The following NRXN3 variants were observed in gnomAD, a reference collection of about 807,000 sequenced individuals.
NRXN3 encodes the protein neurexin 3, also known as neurexin III.
NRXN3 carries 32 observed loss-of-function variants against 137.6 expected under a neutral mutation model. The ratio of observed to expected loss-of-function variants is 0.23; its 90% CI spans 0.18 to 0.31. The LOEUF (loss-of-function observed/expected upper bound fraction) is 0.31. Among genes scored for constraint, NRXN3 ranks in the 10% least tolerant of loss-of-function variants. NRXN3 has a pLI of 1.00. For synonymous variants in NRXN3, 798 were observed against 784.5 expected, an observed-to-expected ratio of 1.02 and a Z score of -0.29; for missense variants, 1,574 against 2,062.5, an observed-to-expected ratio of 0.76 and a Z score of 4.59.
Position 79,443,530 on chromosome 14 carries a change from G to A in NRXN3, c.3263-23691G>A, listed in dbSNP as rs569410220. 2.0e-5 allele frequency among the ~76,000 whole-genome samples: 3 copies of A among 152,252 alleles called. 1 individual carries two copies. The South Asian group carries it at 6.2e-4, about 32-fold the overall frequency. ...AGGATGTGGGAGAATTGGAAAATGAGAGAGAATAGAGAAATTAACCAATAT... is the reference window on the plus strand; with the variant it reads ...AGGATGTGGGAGAATTGGAAAATGAAAGAGAATAGAGAAATTAACCAATAT... On this transcript the variant is annotated intron_variant, in intron 15 of 20. Transcript: ENST00000335750.
At chr14:78,770,971 A>G (rs1033553644) in intron 8 of NRXN3, among the ~76,000 whole-genome samples, 2 of 152,234 alleles carry the variant, frequency 1.3e-5, no homozygotes, top group Non-Finnish European at 2.9e-5. Context: ...AGCAGCAATC[A>G]GAACAATGCA....
chr14:79,635,539 A>T (rs550371334), intron 16 of NRXN3, among the ~76,000 whole-genome samples: 1 of 152,298 alleles, frequency 6.6e-6, no homozygotes, highest in Non-Finnish European at 1.5e-5. Flanking sequence ...GAAGTCTATA[A>T]TAAAGCCAGG....
intron 4 of NRXN3, among the ~76,000 whole-genome samples, chr14:78,427,079 A>G (rs1470997807): frequency 1.3e-5 from 2 of 152,118 alleles, no homozygotes; most frequent in Admixed American, 6.5e-5. Flanking sequence ...GAGGAGCAAA[A>G]GGGTCAAGGG....
At chr14:79,288,749 G>A (rs2082689507) in intron 15 of NRXN3, among the ~76,000 whole-genome samples, 1 of 152,168 alleles carries the variant, frequency 6.6e-6, no homozygotes, top group Non-Finnish European at 1.5e-5. Flanking sequence ...TTTGATTAAT[G>A]CAGCTAACAC....
intron 15 of NRXN3, among the ~76,000 whole-genome samples, chr14:79,286,096 A>C (rs1309281159): frequency 6.6e-6 from 1 of 152,118 alleles, no homozygotes; most frequent in African/African-American, 2.4e-5. Flanking sequence ...TTCTCAGTTT[A>C]TCTTCTGTGA....
Position 79,140,989 on chromosome 14 carries a change from A to G in NRXN3, c.3262+152848A>G, listed in dbSNP as rs555474412. ...AGTATATCTGTATATATTTAGGTAC[A>G]TATTTTAAAAACAAACACATTCAAG... is the stretch of plus-strand genomic sequence containing the variant. On this transcript the variant is annotated intron_variant, in intron 15 of 20. Coordinates refer to ENST00000335750, the MANE Select transcript of NRXN3 (RefSeq NM_001330195.2). Among the ~76,000 whole-genome samples the G allele has an allele frequency of 1.2e-4, 18 of 152,374 alleles. No individual in the cohort carries two copies. The South Asian group carries it at 3.7e-3, about 32-fold the overall frequency.
intron 10 of NRXN3, among the ~76,000 whole-genome samples, chr14:78,859,400 G>A (rs147863144): frequency 1.9e-4 from 29 of 152,168 alleles, no homozygotes; most frequent in African/African-American, 6.0e-4. Context: ...ATAATATGAC[G>A]CCACCTCTTT....
In NRXN3 at chr14:79,287,496, A is replaced by C. The variant is rs147638237; in HGVS notation, c.3263-179725A>C. ...GGTTCTCAGTGTCCATTGTAAACTA[A>C]GATTTTTAATCTGGTTTGTGCTGGG... On this transcript the variant is annotated intron_variant, in intron 15 of 20. Transcript: ENST00000335750. Among the ~76,000 whole-genome samples the C allele has an allele frequency of 4.6e-4, 70 of 152,306 alleles. 1 individual carries two copies. Among genetic ancestry groups the C allele is most frequent in the African/African-American group, 1.6e-3 (67 of 41,570 alleles).
At chr14:79,533,283 C>T (rs960850489) in intron 16 of NRXN3, among the ~76,000 whole-genome samples, 2 of 152,150 alleles carry the variant, frequency 1.3e-5, no homozygotes, top group Admixed American at 1.3e-4. Flanking sequence ...CCAACCCTGC[C>T]TGGGCTCTTA....
intron 8 of NRXN3, among the ~76,000 whole-genome samples, chr14:78,771,716 G>A (rs2098728684): frequency 6.6e-6 from 1 of 152,170 alleles, no homozygotes; most frequent in African/African-American, 2.4e-5. Flanking sequence ...ATTATAACAA[G>A]GAAGAAGTCA....
At chr14:79,674,834 A>G (rs1856612832) in intron 17 of NRXN3, among the ~76,000 whole-genome samples, 1 of 152,070 alleles carries the variant, frequency 6.6e-6, no homozygotes, top group Non-Finnish European at 1.5e-5. Flanking sequence ...ACATTAGAGA[A>G]ATGTGTTTTT....
chr14:79,066,500 A>AT (rs573556498), intron 15 of NRXN3, among the ~76,000 whole-genome samples: 6 of 151,690 alleles, frequency 4.0e-5, no homozygotes, highest in African/African-American at 1.5e-4. Context: ...ATAAATTTAA[A>AT]TTTTTTTTCT....
Position 79,259,313 on chromosome 14 carries a change from C to T in NRXN3, c.3263-207908C>T, listed in dbSNP as rs191097500. Among the ~76,000 whole-genome samples the T allele has an allele frequency of 3.6e-3, 554 of 152,220 alleles. 4 individuals carry two copies. Among genetic ancestry groups the T allele is most frequent in the African/African-American group, 0.013 (536 of 41,536 alleles). On this transcript the variant is annotated intron_variant, in intron 15 of 20. Coordinates refer to ENST00000335750, the MANE Select transcript of NRXN3 (RefSeq NM_001330195.2). ...TATGAAAGAGGAGGTGTTGGTCTTT[C>T]TTCTAAGCTCTATCTTCCAGCTTTT...
intron 15 of NRXN3, among the ~76,000 whole-genome samples, chr14:79,287,244 A>G (rs546596707): frequency 3.3e-5 from 5 of 152,326 alleles, no homozygotes; most frequent in African/African-American, 1.2e-4. Context: ...AGAACACAGC[A>G]TGGGACAAAA....
chr14:78,391,108 G>T (rs1310972039), intron 4 of NRXN3, among the ~76,000 whole-genome samples: 1 of 152,142 alleles, frequency 6.6e-6, no homozygotes, highest in Non-Finnish European at 1.5e-5. Context: ...CAAAGGACAT[G>T]ATCTCATTCC....
intron 1 of NRXN3, among the ~76,000 whole-genome samples, chr14:78,193,999 G>A (rs569120170): frequency 6.6e-6 from 1 of 152,244 alleles, no homozygotes; most frequent in African/African-American, 2.4e-5. Context: ...CTCCCCCTCT[G>A]CATCTGGACT....
intron 15 of NRXN3, among the ~76,000 whole-genome samples, chr14:79,259,851 A>G (rs2077339763): frequency 6.6e-6 from 1 of 152,076 alleles, no homozygotes; most frequent in South Asian, 2.1e-4. Context: ...GCACTGAACT[A>G]TCTTCAGTGC....
intron 16 of NRXN3, among the ~76,000 whole-genome samples, chr14:79,648,731 G>A (rs1157797829): frequency 6.6e-6 from 1 of 152,044 alleles, no homozygotes; most frequent in African/African-American, 2.4e-5. Flanking sequence ...TGGAGATGAG[G>A]CCAGTATGCA....
intron 4 of NRXN3, among the ~76,000 whole-genome samples, chr14:78,589,058 A>G (rs963490799): frequency 2.6e-5 from 4 of 152,114 alleles, no homozygotes; most frequent in African/African-American, 9.7e-5. Context: ...TCTGAGATGG[A>G]GGGAATGCCA....
Sources: gnomAD v4.1 joint callset for allele counts (sites outside exome capture counted in the v4.1 genomes callset) on GRCh38, gnomAD v4.1.1 for gene constraint, MANE v1.5 for transcripts, NCBI Gene and HGNC (gene_info 2026-07-23, HGNC 2026-07-21) for gene names.